NCKAP5: variants seen among roughly 807,000 people sequenced by gnomAD.
NCKAP5 encodes the protein NCK associated protein 5, also known as nck-associated protein 5.
Under a neutral mutation model 167.0 loss-of-function variants are expected in NCKAP5, and 92 were observed. That is an observed-to-expected ratio of 0.55 (90% confidence interval 0.47 to 0.66). The LOEUF (loss-of-function observed/expected upper bound fraction) is 0.66, where lower values mean the gene tolerates loss of function less well. NCKAP5 is among the 30% of genes least tolerant of loss of function. The pLI, the probability that NCKAP5 is intolerant of heterozygous loss-of-function variation, is 0.00. For missense variants in NCKAP5, 2,378 were observed against 2,315.0 expected (o/e 1.03, Z -0.56); for synonymous variants, 891 against 877.4 (o/e 1.02, Z -0.27).
At chr2:133,527,894 T>C (rs1209697397) in intron 2 of NCKAP5, among the ~76,000 whole-genome samples, 1 of 152,074 alleles carries the variant, frequency 6.6e-6, no homozygotes, top group Non-Finnish European at 1.5e-5. Context: ...GTGAGACCCC[T>C]GTCTGTAGGA....
the NCKAP5 span, among the ~76,000 whole-genome samples, chr2:133,579,508 G>A: frequency 1.3e-5 from 2 of 152,194 alleles, no homozygotes; most frequent in Non-Finnish European, 2.9e-5. Context: ...TTCTGGCCCA[G>A]ACTCCACCCT....
chr2:133,476,093 A>G (rs976364735), intron 3 of NCKAP5, among the ~76,000 whole-genome samples: 1 of 152,234 alleles, frequency 6.6e-6, no homozygotes, highest in African/African-American at 2.4e-5. Flanking sequence ...CCAGCCTCAC[A>G]GTTCTGCATG....
intron 6 of NCKAP5, among the ~76,000 whole-genome samples, chr2:133,035,790 A>G (rs1249910294): frequency 6.6e-6 from 1 of 151,888 alleles, no homozygotes; most frequent in African/African-American, 2.4e-5. Context: ...AAAAGCAAGA[A>G]CAAACCAAAC....
At chr2:133,179,862 A>G (rs561199416) in intron 5 of NCKAP5, among the ~76,000 whole-genome samples, 2 of 152,298 alleles carry the variant, frequency 1.3e-5, no homozygotes, top group South Asian at 2.1e-4. Flanking sequence ...AATGAAACAG[A>G]GGGTTTCAGA....
chr2:132,764,539 A>G (rs1681283529), intron 16 of NCKAP5, among the ~76,000 whole-genome samples: 1 of 152,238 alleles, frequency 6.6e-6, no homozygotes. Flanking sequence ...TATGTCTGAA[A>G]ATGCAGAAGT....
At chr2:133,214,526 A>G (rs745703281) in intron 4 of NCKAP5, among the ~76,000 whole-genome samples, 55 of 152,190 alleles carry the variant, frequency 3.6e-4, no homozygotes, top group Non-Finnish European at 6.5e-4. Flanking sequence ...TTATTTAACA[A>G]TGGGGTTCAT....
At chr2:133,306,544 T>G (rs906660048) in intron 3 of NCKAP5, among the ~76,000 whole-genome samples, 9 of 152,182 alleles carry the variant, frequency 5.9e-5, no homozygotes, top group Non-Finnish European at 1.0e-4. Context: ...AATGTTGAGA[T>G]GAAAAGACAG....
chr2:133,137,729 T>C (rs866312266), intron 5 of NCKAP5, among the ~76,000 whole-genome samples: 6 of 152,282 alleles, frequency 3.9e-5, no homozygotes, highest in African/African-American at 1.2e-4. Context: ...GGGTGGGTTG[T>C]GAAGAAAAGC....
chr2:133,296,364 C>G (rs1250849388), intron 4 of NCKAP5, among the ~76,000 whole-genome samples: 5 of 149,564 alleles, frequency 3.3e-5, no homozygotes, highest in African/African-American at 1.2e-4. Context: ...GCCAAACTAT[C>G]TTTTAAAAAC....
chr2:133,510,744 G>A (rs1683419409), intron 3 of NCKAP5, among the ~76,000 whole-genome samples: 1 of 152,182 alleles, frequency 6.6e-6, no homozygotes, highest in Admixed American at 6.5e-5. Flanking sequence ...GCAATTTTCT[G>A]CTTCAGAGCT....
At chr2:133,388,672 G>T (rs940047983) in intron 3 of NCKAP5, among the ~76,000 whole-genome samples, 24 of 152,188 alleles carry the variant, frequency 1.6e-4, no homozygotes, top group Non-Finnish European at 5.9e-5. Flanking sequence ...CTTGAACTGT[G>T]GTGGGATCCA....
intron 5 of NCKAP5, among the ~76,000 whole-genome samples, chr2:133,146,178 T>C (rs2083190177): frequency 6.7e-6 from 1 of 149,112 alleles, no homozygotes; most frequent in African/African-American, 2.5e-5. Context: ...GGAAGCAACA[T>C]CTAGATAAAA....
intron 6 of NCKAP5, among the ~76,000 whole-genome samples, chr2:133,115,914 A>C (rs1292280833): frequency 6.7e-6 from 1 of 150,320 alleles, no homozygotes. Context: ...TTTTACATGA[A>C]AACAAGATTG....
chr2:133,024,208 A>G (rs2078622184), intron 6 of NCKAP5, among the ~76,000 whole-genome samples: 2 of 152,226 alleles, frequency 1.3e-5, no homozygotes, highest in South Asian at 4.1e-4. Context: ...ACTCAAAACT[A>G]TCTCACAAAA....
the NCKAP5 span, among the ~76,000 whole-genome samples, chr2:133,662,622 T>A: frequency 1.4e-5 from 2 of 140,370 alleles, no homozygotes; most frequent in African/African-American, 5.2e-5. Flanking sequence ...GTAATTGCGG[T>A]TTTGAAAGTA....
chr2:133,173,954 AG>A lies in NCKAP5; in HGVS notation c.207+39761del, dbSNP rs201748223. Among the ~76,000 whole-genome samples, 169 of 151,860 alleles carry A rather than the reference AG, an allele frequency of 1.1e-3. 5 individuals are homozygous for A. The East Asian group carries it at 0.031, about 28-fold the overall frequency. ...AGGAGAGGGGATAAACAGAATGGAGAGAAGGTAGAAAAATACATACGCTTTT... is the reference window on the plus strand; with the variant it reads ...AGGAGAGGGGATAAACAGAATGGAGAAAGGTAGAAAAATACATACGCTTTT... On this transcript the variant is annotated intron_variant, in intron 5 of 19. Coordinates refer to ENST00000409261, the MANE Select transcript of NCKAP5 (RefSeq NM_207363.3).
chr2:132,892,997 GAA>G (rs76025687), intron 8 of NCKAP5, among the ~76,000 whole-genome samples: 35,021 of 107,536 alleles, frequency 0.33, 4,561 homozygotes, highest in Non-Finnish European at 0.41. Flanking sequence ...TAAAAAAGCT[GAA>G]AAAAAAAAAA....
chr2:133,091,683 C>T (rs1315812497), intron 6 of NCKAP5, among the ~76,000 whole-genome samples: 2 of 152,048 alleles, frequency 1.3e-5, no homozygotes, highest in South Asian at 2.1e-4. Flanking sequence ...GTCAGGAGAT[C>T]GAGACCATCC....
chr2:133,568,175 A>C (rs1688703231), intron 1 of NCKAP5, 41 bp downstream of exon 1: 1 of 152,102 alleles, frequency 6.6e-6, no homozygotes, highest in Non-Finnish European at 1.5e-5. Flanking sequence ...AATAAGAAAA[A>C]CTGTTACAAG....
Sources: allele counts gnomAD v4.1 joint callset (sites outside exome capture counted in the v4.1 genomes callset), GRCh38; gene constraint gnomAD v4.1.1; transcripts MANE v1.5; gene names NCBI Gene and HGNC (gene_info 2026-07-23, HGNC 2026-07-21).